Variants in MYO1H observed in about 807,000 individuals in gnomAD.
MYO1H encodes the protein myosin IH.
A neutral mutation model predicts 149.3 loss-of-function variants in MYO1H; 118 were observed. That is an observed-to-expected ratio of 0.79 (90% CI 0.68 to 0.92). The LOEUF (loss-of-function observed/expected upper bound fraction) is 0.92. MYO1H is among the 40% of genes least tolerant of loss of function. The probability of loss-of-function intolerance (pLI) is 0.00; values close to 1 mark genes in which losing one functional copy is unlikely to be tolerated. For missense variants in MYO1H, 1,212 were observed against 1,280.7 expected (o/e 0.95, Z 0.82); for synonymous variants, 447 against 465.2 (o/e 0.96, Z 0.50).
In MYO1H at chr12:109,372,097, T is replaced by A. The variant is rs556502366; in HGVS notation, c.13-16586T>A. Among the ~76,000 whole-genome samples the A allele has an allele frequency of 3.3e-5, 5 of 152,262 alleles. No individual in the cohort carries two copies. The South Asian group carries it at 1.0e-3, about 32-fold the overall frequency. On this transcript the variant is annotated intron_variant, in intron 1 of 31. Coordinates refer to ENST00000310903, the Ensembl canonical transcript of MYO1H. ...TGTAAATATTTTTCCTAGAATTGAT[T>A]TGTCTTTTAACTCTGCTTATAATGT...
At chr12:109,353,518 G>T (rs1419513496) in intron 1 of MYO1H, among the ~76,000 whole-genome samples, 1 of 151,256 alleles carries the variant, frequency 6.6e-6, no homozygotes, top group African/African-American at 2.4e-5. Context: ...TGTGATATTT[G>T]AAATATATTT....
chr12:109,314,453 T>C, the MYO1H span, among the ~76,000 whole-genome samples: 1 of 152,186 alleles, frequency 6.6e-6, no homozygotes, highest in Admixed American at 6.5e-5. Flanking sequence ...CCATATGAAT[T>C]AGAATATTTG....
chr12:109,353,269 C>A (rs1868502434), intron 1 of MYO1H, among the ~76,000 whole-genome samples: 2 of 151,896 alleles, frequency 1.3e-5, no homozygotes, highest in Middle Eastern at 3.4e-3. Flanking sequence ...TGGTACACAC[C>A]TGTAATCCCA....
intron 1 of MYO1H, among the ~76,000 whole-genome samples, chr12:109,361,535 G>T (rs953959976): frequency 3.9e-5 from 6 of 152,230 alleles, no homozygotes; most frequent in African/African-American, 1.2e-4. Flanking sequence ...GCCAGGTGCA[G>T]TGGCTCACGC....
chr12:109,319,583 AT>A, the MYO1H span, among the ~76,000 whole-genome samples: 2 of 152,146 alleles, frequency 1.3e-5, no homozygotes, highest in African/African-American at 2.4e-5. Flanking sequence ...TGATGGTGGT[AT>A]TTTTTTACCA....
chr12:109,356,033 A>G (rs1472785945), intron 1 of MYO1H, among the ~76,000 whole-genome samples: 1 of 152,148 alleles, frequency 6.6e-6, no homozygotes, highest in East Asian at 1.9e-4. Flanking sequence ...CTTAGCTTTA[A>G]GTGGTTTCTA....
the MYO1H span, among the ~76,000 whole-genome samples, chr12:109,317,897 C>T: frequency 6.6e-6 from 1 of 152,178 alleles, no homozygotes; most frequent in African/African-American, 2.4e-5. Flanking sequence ...AACTGGTCCT[C>T]GTTTCAACTG....
the MYO1H span, among the ~76,000 whole-genome samples, chr12:109,340,283 C>T: frequency 2.6e-5 from 4 of 152,122 alleles, no homozygotes; most frequent in East Asian, 1.9e-4. Context: ...CCGGTTCAAG[C>T]GATTCTCCTG....
intron 4 of MYO1H, 34 bp downstream of exon 4, chr12:109,396,616 T>C: frequency 6.4e-7 from 1 of 1,563,626 alleles, no homozygotes; most frequent in Non-Finnish European, 8.7e-7. Context: ...CGAAGGGAGT[T>C]CCAGGGAGGT....
chr12:109,435,195 G>A (rs758299572), intron 21 of MYO1H, 82 bp downstream of exon 21: 7 of 861,412 alleles, frequency 8.1e-6, no homozygotes, highest in Non-Finnish European at 1.1e-5. Context: ...AAACACGGGT[G>A]TTTGATATAG....
intron 24 of MYO1H, 37 bp downstream of exon 24, chr12:109,439,827 G>C (rs753066261): frequency 2.5e-6 from 4 of 1,582,714 alleles, no homozygotes; most frequent in East Asian, 4.5e-5. Context: ...GTTGTAAGTA[G>C]CACGGGCACT....
At chr12:109,336,278 C>T in the MYO1H span, among the ~76,000 whole-genome samples, 1 of 152,166 alleles carries the variant, frequency 6.6e-6, no homozygotes, top group Non-Finnish European at 1.5e-5. Context: ...TTCCTTCTTC[C>T]TCACTTTTCA....
chr12:109,356,599 C>A (rs1868611029), intron 1 of MYO1H, among the ~76,000 whole-genome samples: 1 of 152,052 alleles, frequency 6.6e-6, no homozygotes, highest in Non-Finnish European at 1.5e-5. Flanking sequence ...TGTTTTTTAA[C>A]CCTCTATTTA....
chr12:109,328,371 T>C, the MYO1H span, among the ~76,000 whole-genome samples: 1 of 152,130 alleles, frequency 6.6e-6, no homozygotes, highest in African/African-American at 2.4e-5. Flanking sequence ...TTTATCTTAT[T>C]TTTTAAGAGA....
intron 18 of MYO1H, 38 bp downstream of exon 18, chr12:109,426,089 G>A: frequency 6.7e-7 from 1 of 1,498,826 alleles, no homozygotes; most frequent in Non-Finnish European, 9.3e-7. Context: ...CTCAGGGAAA[G>A]GAGGCTGGGA....
intron 29 of MYO1H, 32 bp downstream of exon 29, chr12:109,444,315 A>G: frequency 3.1e-6 from 5 of 1,603,286 alleles, no homozygotes; most frequent in Non-Finnish European, 4.3e-6. Context: ...CTACTAAAAG[A>G]CAGAAACAAT....
intron 10 of MYO1H, 45 bp downstream of exon 10, chr12:109,407,958 A>T (rs1870474591): frequency 6.4e-7 from 1 of 1,573,510 alleles, no homozygotes; most frequent in Non-Finnish European, 8.6e-7. Context: ...TCACGTGGTG[A>T]TGTTTTATAA....
exon 21 of MYO1H, chr12:109,435,065 A>C: frequency 6.2e-7 from 1 of 1,609,000 alleles, no homozygotes; most frequent in Non-Finnish European, 8.5e-7. Context: ...TTTCCCCAGA[A>C]CTCTGTTTGC....
At chr12:109,314,392 A>G in the MYO1H span, among the ~76,000 whole-genome samples, 2 of 152,152 alleles carry the variant, frequency 1.3e-5, no homozygotes, top group African/African-American at 4.8e-5. Context: ...AACCTTAAGC[A>G]TGTTTTATTG....
Sources: gnomAD v4.1 joint callset for allele counts (sites outside exome capture counted in the v4.1 genomes callset) on GRCh38, gnomAD v4.1.1 for gene constraint, MANE v1.5 for transcripts, NCBI Gene and HGNC (gene_info 2026-07-23, HGNC 2026-07-21) for gene names.